Variants in SESTD1 observed in about 807,000 individuals in gnomAD.
SESTD1 encodes SEC14 domain and spectrin repeat-containing protein 1.
A neutral mutation model predicts 101.7 loss-of-function variants in SESTD1; 43 were observed. The ratio of observed to expected loss-of-function variants is 0.42; its 90% CI spans 0.33 to 0.55. The LOEUF is 0.55. Among genes scored for constraint, SESTD1 ranks in the 20% least tolerant of loss-of-function variants. SESTD1 has a pLI of 0.07. For missense variants in SESTD1, 647 were observed against 815.1 expected (o/e 0.79, Z 2.51); for synonymous variants, 283 against 286.8 (o/e 0.99, Z 0.13).
chr2:179,191,800 T>C lies in SESTD1; in HGVS notation c.42A>G (p.Leu14=). The part of the protein sequence containing the change: ...SVILPILKKK[L]AFLSGGKDRR... Reference sequence around the variant, plus strand: ...AAGAAATCATACCTGAAAGGAAGGCTAGTTTTTTCTTCAGAATGGGTAATA... The same window carrying C: ...AAGAAATCATACCTGAAAGGAAGGCCAGTTTTTTCTTCAGAATGGGTAATA... The change falls in exon 2 of 18, where the codon CTA becomes CTG. Residue 14 remains leucine, a synonymous_variant. Coordinates refer to ENST00000428443, the MANE Select transcript of SESTD1 (RefSeq NM_178123.5). The C allele has an allele frequency of 1.2e-6, 2 of 1,612,758 alleles. No homozygotes were observed. The highest frequency in any genetic ancestry group is 2.2e-5 in the East Asian group (1 of 44,798).
chr2:179,254,625 AC>A (rs1209681233), intron 1 of SESTD1, among the ~76,000 whole-genome samples: 9 of 152,220 alleles, frequency 5.9e-5, no homozygotes. Flanking sequence ...GCTGCGTCCA[AC>A]TAACTTCTCA....
chr2:179,129,918 C>T (rs2044970496), intron 10 of SESTD1, among the ~76,000 whole-genome samples: 4 of 152,088 alleles, frequency 2.6e-5, no homozygotes. Context: ...CCTTCCTATC[C>T]AGCTTCAATA....
chr2:179,164,195 T>C (rs2045794239), intron 5 of SESTD1, among the ~76,000 whole-genome samples: 1 of 152,200 alleles, frequency 6.6e-6, no homozygotes, highest in South Asian at 2.1e-4. Flanking sequence ...AATAGGTTTC[T>C]ATAAAAACTG....
At chr2:179,152,323 G>A (rs1229065576) in intron 5 of SESTD1, among the ~76,000 whole-genome samples, 1 of 152,190 alleles carries the variant, frequency 6.6e-6, no homozygotes, top group Non-Finnish European at 1.5e-5. Flanking sequence ...AAGCACCACA[G>A]AGAGAAAGGT....
At chr2:179,192,147 C>T (rs1276406781) in intron 1 of SESTD1, among the ~76,000 whole-genome samples, 6 of 152,148 alleles carry the variant, frequency 3.9e-5, no homozygotes, top group African/African-American at 1.4e-4. Flanking sequence ...GGCAAAATCA[C>T]AAGTGGTTGA....
At chr2:179,148,814 A>G (rs981008720) in intron 7 of SESTD1, among the ~76,000 whole-genome samples, 1 of 152,104 alleles carries the variant, frequency 6.6e-6, no homozygotes, top group Non-Finnish European at 1.5e-5. Context: ...TAATCCCAGC[A>G]CTTTGGGAGG....
chr2:179,242,951 G>T (rs1046409786), intron 1 of SESTD1, among the ~76,000 whole-genome samples: 1 of 151,998 alleles, frequency 6.6e-6, no homozygotes, highest in Non-Finnish European at 1.5e-5. Context: ...ATTGACAAGT[G>T]GTACCTAATT....
intron 1 of SESTD1, among the ~76,000 whole-genome samples, chr2:179,231,633 T>C (rs1009400453): frequency 1.3e-5 from 2 of 150,936 alleles, no homozygotes; most frequent in Admixed American, 6.6e-5. Flanking sequence ...ACATAAGTCA[T>C]TAAAAATTTT....
chr2:179,205,577 G>C (rs1316246281), intron 1 of SESTD1, among the ~76,000 whole-genome samples: 1 of 135,238 alleles, frequency 7.4e-6, no homozygotes, highest in Non-Finnish European at 1.6e-5. Flanking sequence ...TCTCCTGAGA[G>C]ATGGGTGCTT....
rs1360518196 is a variant in SESTD1, at chr2:179,143,764, T to C, written c.677A>G (p.Asn226Ser). The C allele has an allele frequency of 5.6e-6, 9 of 1,613,982 alleles. No individual in the cohort carries two copies. Among genetic ancestry groups the C allele is most frequent in the Non-Finnish European group, 5.1e-6 (6 of 1,179,930 alleles). Reference sequence around the variant, plus strand: ...CCATGAAACCCCTCCGTCTGAGCCATTAAATCGACGCTGCTGTAATTCGGA... The same window carrying C: ...CCATGAAACCCCTCCGTCTGAGCCACTAAATCGACGCTGCTGTAATTCGGA... ...LLSELQQRRFNGSDGGVSWSP... is the reference protein window; with the variant it reads ...LLSELQQRRFSGSDGGVSWSP... The change falls in exon 9 of 18, where the codon AAT (asparagine) becomes AGT (serine). Residue 226 changes from asparagine to serine, a missense_variant. Physicochemically the swap from Asn to Ser is conservative, Grantham distance 46. Coordinates refer to ENST00000428443, the MANE Select transcript of SESTD1 (RefSeq NM_178123.5).
At chr2:179,141,325 G>A (rs17363393) in intron 9 of SESTD1, among the ~76,000 whole-genome samples, 8,709 of 152,146 alleles carry the variant, frequency 0.057, 316 homozygotes, top group South Asian at 0.11. Flanking sequence ...AATATGATTC[G>A]TCTCTAATAT....
At chr2:179,126,886 C>A (rs2044885899) in intron 10 of SESTD1, among the ~76,000 whole-genome samples, 1 of 152,136 alleles carries the variant, frequency 6.6e-6, no homozygotes. Flanking sequence ...GCTGGCTCAA[C>A]CTCATCAACT....
intron 5 of SESTD1, among the ~76,000 whole-genome samples, chr2:179,169,061 C>CA (rs2045885211): frequency 6.6e-6 from 1 of 151,886 alleles, no homozygotes; most frequent in Admixed American, 6.6e-5. Context: ...CAAAAAAGAA[C>CA]AAAAAACCCC....
rs375391188 is a variant in SESTD1 at position 179,200,938 on chromosome 2, C to A, written c.-25-9072G>T. On this transcript the variant is annotated intron_variant, in intron 1 of 17. Coordinates refer to ENST00000428443, the MANE Select transcript of SESTD1 (RefSeq NM_178123.5). The stretch of plus-strand genomic sequence containing the variant: ...TTGACAAATGGGATCTAATTAAACT[C>A]AAGAGCTTCTGCACAGCAAAAGAAA... Among the ~76,000 whole-genome samples, 24 of 133,480 alleles carry A rather than the reference C, an allele frequency of 1.8e-4. 2 individuals are homozygous for A. The highest frequency in any genetic ancestry group is 8.7e-4 in the Admixed American group (12 of 13,846). 87.6% of individuals were successfully genotyped at this position (133,480 alleles called of 152,430 possible).
At chr2:179,123,080 T>C (rs940840998) in intron 12 of SESTD1, among the ~76,000 whole-genome samples, 1 of 152,140 alleles carries the variant, frequency 6.6e-6, no homozygotes, top group Admixed American at 6.5e-5. Context: ...TGTCCCCCCT[T>C]GATACGACTC....
intron 13 of SESTD1, among the ~76,000 whole-genome samples, chr2:179,118,927 G>A (rs1430370257): frequency 1.3e-5 from 2 of 152,158 alleles, no homozygotes; most frequent in African/African-American, 4.8e-5. Context: ...CCTGAGTCTT[G>A]AAGAGTAAGT....
intron 2 of SESTD1, among the ~76,000 whole-genome samples, chr2:179,186,579 T>C (rs1217884000): frequency 1.3e-5 from 2 of 152,192 alleles, no homozygotes; most frequent in Non-Finnish European, 2.9e-5. Context: ...CAATTATTAT[T>C]ACATTTTCAT....
At chr2:179,128,120 G>A (rs891277326) in intron 10 of SESTD1, among the ~76,000 whole-genome samples, 2 of 152,144 alleles carry the variant, frequency 1.3e-5, no homozygotes, top group African/African-American at 4.8e-5. Flanking sequence ...ATCTGGAGTT[G>A]GCCCTGGAAT....
intron 9 of SESTD1, among the ~76,000 whole-genome samples, chr2:179,135,836 C>CA (rs2045130744): frequency 6.6e-6 from 1 of 152,210 alleles, no homozygotes; most frequent in South Asian, 2.1e-4. Flanking sequence ...GTGGAACAGC[C>CA]TAAGTGCTAT....
Sources: gnomAD v4.1 joint callset for allele counts (sites outside exome capture counted in the v4.1 genomes callset) on GRCh38, gnomAD v4.1.1 for gene constraint, MANE v1.5 for transcripts, NCBI Gene and HGNC (gene_info 2026-07-23, HGNC 2026-07-21) for gene names.